The following NOS1 variants were observed in gnomAD, a reference collection of about 807,000 sequenced individuals.
The protein encoded by NOS1 is NOS type I.
A neutral mutation model predicts 164.5 loss-of-function variants in NOS1; 51 were observed. The ratio of observed to expected loss-of-function variants is 0.31; its 90% CI spans 0.25 to 0.39. NOS1 has a LOEUF of 0.39. Among genes scored for constraint, NOS1 ranks in the 10% least tolerant of loss-of-function variants. The pLI is 1.00. For missense variants in NOS1, 1,362 were observed against 1,885.6 expected, an observed-to-expected ratio of 0.72 and a Z score of 5.14; for synonymous variants, 719 against 745.8, an observed-to-expected ratio of 0.96 and a Z score of 0.59.
At chr12:117,271,364 G>T (rs1489941917) in intron 10 of NOS1, among the ~76,000 whole-genome samples, 2 of 151,214 alleles carry the variant, frequency 1.3e-5, no homozygotes, top group African/African-American at 2.4e-5. Context: ...TGCGACCTCT[G>T]CCTCCCTGGT....
At chr12:117,216,336 C>T (rs989512732) in intron 28 of NOS1, among the ~76,000 whole-genome samples, 1 of 151,856 alleles carries the variant, frequency 6.6e-6, no homozygotes, top group Non-Finnish European at 1.5e-5. Context: ...GCACCTGCCA[C>T]GACGCTCGGC....
At chr12:117,357,477 T>C (rs1347506530) in intron 1 of NOS1, among the ~76,000 whole-genome samples, 1 of 152,244 alleles carries the variant, frequency 6.6e-6, no homozygotes, top group African/African-American at 2.4e-5. Context: ...CATGAAGTTA[T>C]CATCGATGAG....
chr12:117,286,039 A>G lies in NOS1; in HGVS notation c.1290+65T>C, dbSNP rs1444228338. On this transcript the variant is annotated intron_variant, in intron 6 of 28. Coordinates refer to ENST00000317775, the MANE Select transcript of NOS1 (RefSeq NM_000620.5). ...AGAAGCTTATCCTTTTTAAAGCTCC[A>G]TCCACTCCCCTTCCCCTCTTCCCTC... 6 of 1,572,538 alleles carry G rather than the reference A, an allele frequency of 3.8e-6. No homozygotes were observed. In the African/African-American group the frequency reaches 5.4e-5, roughly 14 times the overall value.
intron 16 of NOS1, among the ~76,000 whole-genome samples, chr12:117,256,284 G>GTTTTTTTTTCTTTTTTTTTTTTT (rs1555252508): frequency 8.4e-6 from 1 of 118,488 alleles, no homozygotes; most frequent in African/African-American, 3.8e-5. Flanking sequence ...GGGATTTTCT[G>GTTTTTTTTTCTTTTTTTTTTTTT]TTTTTTTTTT....
chr12:117,283,893 A>G (rs539890939), intron 7 of NOS1, among the ~76,000 whole-genome samples: 3 of 151,134 alleles, frequency 2.0e-5, no homozygotes, highest in African/African-American at 7.3e-5. Flanking sequence ...ATCCACCAGA[A>G]GAGCCCATAA....
In NOS1 at chr12:117,213,513, T is replaced by C. The variant is rs1001004451; in HGVS notation, c.*1796A>G. ...GGACACCGGTGGGGGCTGCCAGGGA[T>C]GGCAGAGCAAGGTGAGTCATAGATT... On this transcript the variant is annotated 3_prime_UTR_variant, in exon 29 of 29. Coordinates refer to ENST00000317775, the MANE Select transcript of NOS1 (RefSeq NM_000620.5). The C allele has an allele frequency of 4.0e-5, 39 of 985,328 alleles. No homozygotes were observed. In the African/African-American group the frequency reaches 6.3e-4, roughly 16 times the overall value. 61.0% of individuals were successfully genotyped at this position (985,328 alleles called of 1,614,324 possible).
At position 117,277,989 on chromosome 12, in the gene NOS1, A is replaced by G; in HGVS notation, c.1634T>C (p.Leu545Pro). Reference protein sequence around the residue: ...DPELFQIPPELVLEVPIRHPK... With the variant: ...DPELFQIPPEPVLEVPIRHPK... ...GTGCCTGATGGGAACTTCCAACACC[A>G]GCTCTGGAGGAATCTGGAAGAGCTC... Residue 545 changes from leucine (L) to proline (P), a missense_variant, in exon 9 of 29, where the codon CTG (leucine) becomes CCG (proline). Leu to Pro is a moderately conservative substitution (Grantham distance 98). Transcript: ENST00000317775. 1 of 1,613,190 alleles carries G rather than the reference A, an allele frequency of 6.2e-7. No individual in the cohort carries two copies. Among genetic ancestry groups the G allele is most frequent in the Non-Finnish European group, 8.5e-7 (1 of 1,179,332 alleles).
At chr12:117,240,051 GC>G (rs1280469826) in intron 20 of NOS1, among the ~76,000 whole-genome samples, 20 of 152,086 alleles carry the variant, frequency 1.3e-4, no homozygotes, top group Non-Finnish European at 1.5e-5. Flanking sequence ...ATGTACTATG[GC>G]TTTTGGAGTA....
chr12:117,256,282 C>CAGTTTTTT (rs1566042528), intron 16 of NOS1, among the ~76,000 whole-genome samples: 1 of 76,810 alleles, frequency 1.3e-5, no homozygotes, highest in South Asian at 3.7e-4. Context: ...AAGGGATTTT[C>CAGTTTTTT]TGTTTTTTTT....
intron 1 of NOS1, among the ~76,000 whole-genome samples, chr12:117,361,236 G>A (rs965649267): frequency 5.9e-5 from 9 of 151,838 alleles, no homozygotes; most frequent in African/African-American, 2.2e-4. Flanking sequence ...CGCGCTCCGG[G>A]TTCTGAATCC....
intron 1 of NOS1, among the ~76,000 whole-genome samples, chr12:117,352,748 G>A (rs1445124687): frequency 2.6e-5 from 4 of 152,166 alleles, no homozygotes; most frequent in African/African-American, 7.2e-5. Flanking sequence ...TCATGAGTGT[G>A]CGTATATGCA....
Position 117,253,545 on chromosome 12 carries a change from T to A in NOS1, c.2648+93A>T, listed in dbSNP as rs527419584. The A allele has an allele frequency of 1.9e-5, 16 of 824,080 alleles. No individual in the cohort carries two copies. In the African/African-American group the frequency reaches 2.7e-4, roughly 14 times the overall value. 51.0% of individuals were successfully genotyped at this position (824,080 alleles called of 1,614,324 possible). On this transcript the variant is annotated intron_variant, in intron 17 of 28. Transcript: ENST00000317775. Reference sequence around the variant, plus strand: ...TTATGAGAAATGAATGGACACTACCTCTCCACAACGAAGCGCTCACTTTGT... The same window carrying A: ...TTATGAGAAATGAATGGACACTACCACTCCACAACGAAGCGCTCACTTTGT...
chr12:117,295,624 T>A (rs1873359954), intron 3 of NOS1, among the ~76,000 whole-genome samples: 1 of 146,372 alleles, frequency 6.8e-6, no homozygotes, highest in South Asian at 2.3e-4. Context: ...TCTTTTTTTT[T>A]TTTTTTTTTT....
At chr12:117,284,753 G>A (rs981902739) in intron 7 of NOS1, among the ~76,000 whole-genome samples, 2 of 152,040 alleles carry the variant, frequency 1.3e-5, no homozygotes, top group African/African-American at 2.4e-5. Flanking sequence ...ATGGTGTATG[G>A]AATAAAGATG....
chr12:117,340,836 GCCTCAGCCT>G (rs1876067150), intron 1 of NOS1, among the ~76,000 whole-genome samples: 1 of 148,740 alleles, frequency 6.7e-6, no homozygotes, highest in Non-Finnish European at 1.5e-5. Context: ...TGATCCTCCT[GCCTCAGCCT>G]CCTGAGTAGC....
Position 117,247,289 on chromosome 12 carries a change from TG to T in NOS1, c.2823+58del, listed in dbSNP as rs1260975080. On this transcript the variant is annotated intron_variant, in intron 18 of 28. Coordinates refer to ENST00000317775, the MANE Select transcript of NOS1 (RefSeq NM_000620.5). ...ATTCTCTTCTTGATGGTTTAGGTGC[TG>T]TCTTTGGGGGTGTGGGGAGCATTAC... 8.0e-6 allele frequency: 11 copies of T among 1,370,498 alleles called. No homozygotes were observed. In the African/African-American group the frequency reaches 1.6e-4, roughly 20 times the overall value. The allele number at this position is 1,370,498 out of a possible 1,614,324, so 84.9% of individuals were successfully genotyped here. A position where few individuals can be genotyped will look rare whatever the true frequency, so the allele number is the denominator to read the frequency against.
intron 2 of NOS1, among the ~76,000 whole-genome samples, chr12:117,323,673 AAGG>A (rs1180248417): frequency 1.3e-5 from 2 of 152,216 alleles, no homozygotes; most frequent in Non-Finnish European, 2.9e-5. Flanking sequence ...CTTGCCACAG[AAGG>A]AGCTTTCTTC....
intron 22 of NOS1, among the ~76,000 whole-genome samples, chr12:117,231,610 A>C (rs1869239297): frequency 6.6e-6 from 1 of 152,214 alleles, no homozygotes; most frequent in South Asian, 2.1e-4. Flanking sequence ...AAAAAACCTT[A>C]TCTTTAAACC....
intron 9 of NOS1, among the ~76,000 whole-genome samples, chr12:117,276,552 G>T (rs1005687025): frequency 5.3e-5 from 8 of 152,172 alleles, no homozygotes; most frequent in Non-Finnish European, 2.9e-5. Flanking sequence ...CAAAGTGCTG[G>T]AATTACAGGC....
Sources: allele counts gnomAD v4.1 joint callset (sites outside exome capture counted in the v4.1 genomes callset), GRCh38; gene constraint gnomAD v4.1.1; transcripts MANE v1.5; gene names NCBI Gene and HGNC (gene_info 2026-07-23, HGNC 2026-07-21).